CC2D1B: variants seen among roughly 807,000 people sequenced by gnomAD.
CC2D1B encodes coiled-coil and C2 domain-containing protein 1B.
CC2D1B carries 92 observed loss-of-function variants against 110.8 expected under a neutral mutation model. The observed-to-expected ratio is 0.83, with a 90% CI of 0.70 to 0.99. The LOEUF is 0.99. CC2D1B is among the 50% of genes least tolerant of loss of function. CC2D1B has a pLI of 0.00. For synonymous variants in CC2D1B, 406 were observed against 429.2 expected (o/e 0.95, Z 0.67); for missense variants, 1,136 against 1,089.0 (o/e 1.04, Z -0.61).
At chr1:52,354,155 A>G (rs1266131620) in intron 23 of CC2D1B, among the ~76,000 whole-genome samples, 8 of 152,306 alleles carry the variant, frequency 5.3e-5, no homozygotes, top group East Asian at 1.9e-4. Context: ...AGTGGCTCCA[A>G]TAGAGACCAG....
At chr1:52,360,766 C>T in intron 5 of CC2D1B, 1 of 891,586 alleles carries the variant, frequency 1.1e-6, no homozygotes, top group South Asian at 1.8e-5. Context: ...GGATATGGCT[C>T]CCGGGGGGTA....
chr1:52,351,286 T>C lies in CC2D1B; in HGVS notation c.*1939A>G, dbSNP rs1646527020. ...GAAACCTTTAGAGCTATAGAAAACT[T>C]TCTATCTATCGAAATAGGCCATTTC... is the stretch of plus-strand genomic sequence containing the variant. On this transcript the variant is annotated 3_prime_UTR_variant, in exon 25 of 25. Transcript: ENST00000284376. 1 of 152,190 alleles carries C rather than the reference T, an allele frequency of 6.6e-6. No individual in the cohort carries two copies. Among genetic ancestry groups the C allele is most frequent in the East Asian group, 1.9e-4 (1 of 5,196 alleles). 9.4% of individuals were successfully genotyped at this position (152,190 alleles called of 1,614,324 possible). A position where few individuals can be genotyped will look rare whatever the true frequency, so the allele number is the denominator to read the frequency against.
intron 1 of CC2D1B, among the ~76,000 whole-genome samples, chr1:52,365,217 C>G (rs949127804): frequency 6.6e-6 from 1 of 152,238 alleles, no homozygotes; most frequent in African/African-American, 2.4e-5. Context: ...CCTCCTGTGT[C>G]AGACCTTGCG....
chr1:52,363,347 A>G (rs1057461676), intron 2 of CC2D1B, among the ~76,000 whole-genome samples: 18 of 149,488 alleles, frequency 1.2e-4, no homozygotes, highest in African/African-American at 4.2e-4. Context: ...GTGAGCCAAG[A>G]TGGCGCCACT....
At chr1:52,357,496 A>T in intron 15 of CC2D1B, 30 bp downstream of exon 15, 1 of 1,547,888 alleles carries the variant, frequency 6.5e-7, no homozygotes, top group Non-Finnish European at 8.8e-7. Context: ...CCGCCTGAGA[A>T]GTCCTGGTGG....
chr1:52,359,812 G>A lies in CC2D1B; in HGVS notation c.835C>T (p.Pro279Ser). The change falls in exon 8 of 25, where the codon CCG becomes TCG. Residue 279 changes from proline to serine, a missense_variant. Transcript: ENST00000284376. ...AQPVSDLDPD[P>S]RALLSSRQRE... ...TGTCGGGATGACAGCAGGGCCCGCG[G>A]GTCTGGGTCTAAGTCTGAAACGGGC... is the stretch of plus-strand genomic sequence containing the variant. 6.2e-7 allele frequency: 1 copy of A among 1,611,778 alleles called. No individual in the cohort carries two copies. Among genetic ancestry groups the A allele is most frequent in the Non-Finnish European group, 8.5e-7 (1 of 1,179,024 alleles).
At chr1:52,356,074 A>G in intron 18 of CC2D1B, 112 bp downstream of exon 18, 1 of 1,031,532 alleles carries the variant, frequency 9.7e-7, no homozygotes, top group South Asian at 1.4e-5. Context: ...CCCAGTGCCC[A>G]CAGCGGGGCC....
At chr1:52,360,776 A>G in intron 5 of CC2D1B, 198 bp downstream of exon 5, 1 of 880,226 alleles carries the variant, frequency 1.1e-6, no homozygotes, top group Non-Finnish European at 1.7e-6. Context: ...CCCGGGGGGT[A>G]GTCTAGGAGA....
chr1:52,353,479 G>C lies in CC2D1B; in HGVS notation c.*1+39C>G, dbSNP rs367731984. The C allele has an allele frequency of 5.5e-5, 86 of 1,575,698 alleles. No individual in the cohort carries two copies. In the African/African-American group the frequency reaches 1.0e-3, roughly 19 times the overall value. On this transcript the variant is annotated intron_variant, in intron 24 of 24. Coordinates refer to ENST00000284376, the MANE Select transcript of CC2D1B (RefSeq NM_001330585.2). Reference sequence around the variant, plus strand: ...AGTTGAGTAGTTAGTTGAGTAAAAGGAGGGGGCAAAGGTTCTGAAGGCCCA... The same window carrying C: ...AGTTGAGTAGTTAGTTGAGTAAAAGCAGGGGGCAAAGGTTCTGAAGGCCCA...
Position 52,354,533 on chromosome 1 carries a change from A to T in CC2D1B, c.2430+75T>A, listed in dbSNP as rs1012627066. On this transcript the variant is annotated intron_variant, in intron 23 of 24. Coordinates refer to ENST00000284376, the MANE Select transcript of CC2D1B (RefSeq NM_001330585.2). The stretch of plus-strand genomic sequence containing the variant: ...TAAGTAATGAGCACGAAAACCTACA[A>T]CAAGGTGTGGCATTCAGTGCGTATT... 5 of 1,204,940 alleles carry T rather than the reference A, an allele frequency of 4.1e-6. No individual in the cohort carries two copies. In the African/African-American group the frequency reaches 7.5e-5, roughly 18 times the overall value. 74.6% of individuals were successfully genotyped at this position (1,204,940 alleles called of 1,614,324 possible).
chr1:52,362,260 C>A (rs995612364), intron 3 of CC2D1B, among the ~76,000 whole-genome samples: 5 of 152,210 alleles, frequency 3.3e-5, no homozygotes, highest in African/African-American at 1.2e-4. Flanking sequence ...GAGGGAGATT[C>A]CACTTAACTC....
intron 4 of CC2D1B, 167 bp downstream of exon 4, chr1:52,361,346 A>C (rs1646778626): frequency 7.7e-7 from 1 of 1,291,124 alleles, no homozygotes; most frequent in East Asian, 2.3e-5. Flanking sequence ...TGCAGAGCTT[A>C]GACCAGAAGT....
chr1:52,355,962 G>A (rs1646642678), intron 18 of CC2D1B, 118 bp from the exon 19 acceptor site: 1 of 1,064,774 alleles, frequency 9.4e-7, no homozygotes, highest in Admixed American at 1.7e-5. Flanking sequence ...GGCAGAGCTG[G>A]TATGCAGACC....
chr1:52,358,825 A>G, intron 11 of CC2D1B, 67 bp from the exon 12 acceptor site: 7 of 1,507,824 alleles, frequency 4.6e-6, no homozygotes, highest in Non-Finnish European at 6.3e-6. Context: ...CCAACATGAC[A>G]CACAGTGGGG....
chr1:52,360,310 C>T, intron 6 of CC2D1B, 77 bp from the exon 7 acceptor site: 1 of 1,593,696 alleles, frequency 6.3e-7, no homozygotes, highest in Non-Finnish European at 8.5e-7. Context: ...CCAGGGGTGG[C>T]CCCCCAACCC....
chr1:52,362,044 G>T (rs773022235), intron 3 of CC2D1B, among the ~76,000 whole-genome samples: 1 of 152,238 alleles, frequency 6.6e-6, no homozygotes, highest in African/African-American at 2.4e-5. Context: ...AAGTGGCAGA[G>T]CTAGGATTCA....
Position 52,355,652 on chromosome 1 carries a change from C to T in CC2D1B, c.2143G>A (p.Asp715Asn). The change falls in exon 20 of 25, where the codon GAC becomes AAC. Residue 715 changes from aspartate to asparagine, a missense_variant. Transcript: ENST00000284376. Reference protein sequence around the residue: ...LPAPPGVTPDDLDAFVRFEFH... With the variant: ...LPAPPGVTPDNLDAFVRFEFH... ...TCAAACCGCACAAAAGCATCCAGGT[C>T]ATCGGGAGTCACCCCTGGGAAGGAG... is the stretch of plus-strand genomic sequence containing the variant. 3 of 1,614,168 alleles carry T rather than the reference C, an allele frequency of 1.9e-6. No individual in the cohort carries two copies. In the South Asian group the frequency reaches 3.3e-5, roughly 18 times the overall value.
chr1:52,361,557 C>T lies in CC2D1B; in HGVS notation c.274G>A (p.Glu92Lys), dbSNP rs1393301043. ...TCCAGCCCTTCCTCCTCCTCCTCCTCCTCCACATCCCGCATACAGTCTGCC... is the reference window on the plus strand; with the variant it reads ...TCCAGCCCTTCCTCCTCCTCCTCCTTCTCCACATCCCGCATACAGTCTGCC... ...LAADCMRDVE[E>K]EEEEEGLEED... The change falls in exon 4 of 25, where the codon GAG becomes AAG. Residue 92 changes from glutamate to lysine, a missense_variant. Transcript: ENST00000284376. The T allele has an allele frequency of 6.2e-7, 1 of 1,614,022 alleles. No homozygotes were observed. The highest frequency in any genetic ancestry group is 8.5e-7 in the Non-Finnish European group (1 of 1,180,026).
chr1:52,364,133 G>GC (rs549952027), intron 2 of CC2D1B, among the ~76,000 whole-genome samples: 4 of 152,282 alleles, frequency 2.6e-5, no homozygotes, highest in African/African-American at 9.6e-5. Context: ...AATGGACTAA[G>GC]AAGTCTCAAG....
Sources: allele counts gnomAD v4.1 joint callset (sites outside exome capture counted in the v4.1 genomes callset), GRCh38; gene constraint gnomAD v4.1.1; transcripts MANE v1.5; gene names NCBI Gene and HGNC (gene_info 2026-07-23, HGNC 2026-07-21).